The following TTN variants were observed in gnomAD, a reference collection of about 807,000 sequenced individuals.
TTN encodes titin.
Under a neutral mutation model 3,223.0 loss-of-function variants are expected in TTN, and 1,525 were observed. The observed-to-expected ratio is 0.47, with a 90% confidence interval of 0.45 to 0.49. The LOEUF (loss-of-function observed/expected upper bound fraction) is 0.49, where lower values mean the gene tolerates loss of function less well. TTN is among the 20% of genes least tolerant of loss of function. TTN has a pLI of 0.00. For synonymous variants in TTN, 14,094 were observed against 15,161.0 expected (o/e 0.93, Z 5.17); for missense variants, 40,786 against 43,424.0 (o/e 0.94, Z 5.40).
chr2:178,805,442 G>A (rs950965974), intron 1 of TTN, among the ~76,000 whole-genome samples: 21 of 150,534 alleles, frequency 1.4e-4, no homozygotes, highest in Admixed American at 4.0e-4. Context: ...AATATTTTTC[G>A]TTCACTCTAT....
rs2061607689 is a variant in TTN, at chr2:178,644,376, G to A, written c.40477+172C>T. The A allele has an allele frequency of 6.0e-6, 3 of 498,706 alleles. No homozygotes were observed. In the South Asian group the frequency reaches 1.2e-4, roughly 20 times the overall value. 30.9% of individuals were successfully genotyped at this position (498,706 alleles called of 1,614,324 possible). A position where few individuals can be genotyped will look rare whatever the true frequency, so the allele number is the denominator to read the frequency against. The stretch of plus-strand genomic sequence containing the variant: ...ATGTATGAAATGGATGGGAGACAAA[G>A]GAAGCAACACTCATGAGCCAGGACC... On this transcript the variant is annotated intron_variant, in intron 218 of 362. Coordinates refer to ENST00000589042, the MANE Select transcript of TTN (RefSeq NM_001267550.2).
rs1231778205 is a variant in TTN at position 178,571,159 on chromosome 2, A to G, written c.74973T>C (p.Ile24991=). 5 of 1,613,484 alleles carry G rather than the reference A, an allele frequency of 3.1e-6. No individual in the cohort carries two copies. The highest frequency in any genetic ancestry group is 4.2e-6 in the Non-Finnish European group (5 of 1,179,624). Residue 24991 remains isoleucine (I), a synonymous_variant, in exon 326 of 363, where the codon ATT becomes ATC. Coordinates refer to ENST00000589042, the MANE Select transcript of TTN (RefSeq NM_001267550.2). The stretch of plus-strand genomic sequence containing the variant: ...ATTCTGATACTTTACTCGGCTTGCC[A>G]ATGCCCACGATGTTCTCTGCAGAGA... ...FRVSAENIVG[I]GKPSKVSECY...
Position 178,560,123 on chromosome 2 carries a change from A to G in TTN, c.86009T>C (p.Ile28670Thr), listed in dbSNP as rs1703105655. 2 of 1,613,554 alleles carry G rather than the reference A, an allele frequency of 1.2e-6. No individual in the cohort carries two copies. The highest frequency in any genetic ancestry group is 1.7e-6 in the Non-Finnish European group (2 of 1,179,756). ...ATCAAACAGCGGCTTAACCCAGGCAATAGTTATAGTTGTCTTGCCTGAGTC... is the reference window on the plus strand; with the variant it reads ...ATCAAACAGCGGCTTAACCCAGGCAGTAGTTATAGTTGTCTTGCCTGAGTC... ...IVDSGKTTIT[I>T]AWVKPLFDGG... The change falls in exon 326 of 363, where the codon ATT becomes ACT. Residue 28670 changes from isoleucine (I) to threonine (T), a missense_variant. Transcript: ENST00000589042.
At chr2:178,674,544 G>T (rs2067635746) in intron 150 of TTN, 135 bp from the exon 151 acceptor site, 3 of 448,668 alleles carry the variant, frequency 6.7e-6, no homozygotes, top group Admixed American at 7.7e-5. Flanking sequence ...ATCTCTACTG[G>T]GTCTTCAAAA....
At chr2:178,747,042 G>C (rs2083793333) in intron 47 of TTN, 4 of 1,613,300 alleles carry the variant, frequency 2.5e-6, no homozygotes, top group Non-Finnish European at 2.5e-6. Context: ...CCTCCAGTAG[G>C]AATAGAATAT....
chr2:178,795,371 A>G, intron 6 of TTN, 119 bp from the exon 7 acceptor site: 1 of 889,318 alleles, frequency 1.1e-6, no homozygotes, highest in Non-Finnish European at 1.8e-6. Context: ...GTGCCTCCAT[A>G]ACCCATTCAG....
At chr2:178,693,536 C>T (rs956349633) in intron 119 of TTN, 73 bp downstream of exon 119, 8 of 1,079,294 alleles carry the variant, frequency 7.4e-6, no homozygotes, top group East Asian at 2.7e-5. Flanking sequence ...TTAATACTAA[C>T]ATAAATGTTT....
chr2:178,770,981 T>C (rs568815022), intron 34 of TTN, among the ~76,000 whole-genome samples: 10 of 152,324 alleles, frequency 6.6e-5, no homozygotes, highest in African/African-American at 2.2e-4. Flanking sequence ...CAGTGTCTGA[T>C]TTAGCTGTTT....
In TTN at chr2:178,575,330, T is replaced by C. The variant is rs1421650962; in HGVS notation, c.70802A>G (p.Tyr23601Cys). ...VVRNLTEGEEYTFQVMAVNSA... is the reference protein window; with the variant it reads ...VVRNLTEGEECTFQVMAVNSA... ...GTTCACTGCCATCACTTGGAAGGTA[T>C]ATTCCTCTCCTTCAGTTAGATTCCT... The change falls in exon 326 of 363, where the codon TAT becomes TGT. Residue 23601 changes from tyrosine to cysteine, a missense_variant. Coordinates refer to ENST00000589042, the MANE Select transcript of TTN (RefSeq NM_001267550.2). The surrounding 1 kb of genome is among the most constrained non-coding windows in gnomAD (Gnocchi z 4.0). 7 of 1,613,402 alleles carry C rather than the reference T, an allele frequency of 4.3e-6. No homozygotes were observed. The highest frequency in any genetic ancestry group is 5.9e-6 in the Non-Finnish European group (7 of 1,179,658).
chr2:178,730,292 A>G lies in TTN; in HGVS notation c.18108T>C (p.Gly6036=). ...NTRVQLKALV[G]GTAPMTIKWF... ...ACTTTATTGTCATGGGTGCAGTGCC[A>G]CCCACAAGAGCCTTTAACTGTACCC... The change falls in exon 62 of 363, where the codon GGT becomes GGC. Residue 6036 remains glycine (G), a synonymous_variant. Coordinates refer to ENST00000589042, the MANE Select transcript of TTN (RefSeq NM_001267550.2). The G allele has an allele frequency of 6.2e-7, 1 of 1,612,268 alleles. No individual in the cohort carries two copies. The highest frequency in any genetic ancestry group is 8.5e-7 in the Non-Finnish European group (1 of 1,179,120).
Position 178,672,494 on chromosome 2 carries a change from A to G in TTN, c.34856-13T>C. On this transcript the variant is annotated splice_polypyrimidine_tract_variant and intron_variant, in intron 153 of 362. Transcript: ENST00000589042. ...GGTACTTCAGGCACTTTAAAGATAC[A>G]GTTTTAATATTTAGGACTGTCGAGA... 6.2e-7 allele frequency: 1 copy of G among 1,601,994 alleles called. No homozygotes were observed. The highest frequency in any genetic ancestry group is 1.7e-5 in the Admixed American group (1 of 57,772).
chr2:178,782,860 T>C lies in TTN; in HGVS notation c.3046A>G (p.Ser1016Gly), dbSNP rs756789081. Residue 1016 changes from serine to glycine, a missense_variant, in exon 18 of 363, where the codon AGT (serine) becomes GGT (glycine). Ser to Gly is a moderately conservative substitution (Grantham distance 56). Transcript: ENST00000589042. ...ACGGTTCCAGCCTCATTTACAGCAC[T>C]GCAAGTAAATCGCCCGCTGTCTTCC... Reference protein sequence around the residue: ...FAEDSGRFTCSAVNEAGTVST... With the variant: ...FAEDSGRFTCGAVNEAGTVST... 1.2e-6 allele frequency: 2 copies of C among 1,613,872 alleles called. No homozygotes were observed. Among genetic ancestry groups the C allele is most frequent in the Non-Finnish European group, 1.7e-6 (2 of 1,179,950 alleles).
Position 178,592,093 on chromosome 2 carries a change from G to A in TTN, c.59811C>T (p.Phe19937=), listed in dbSNP as rs781544233. 21 of 1,612,810 alleles carry A rather than the reference G, an allele frequency of 1.3e-5. No individual in the cohort carries two copies. Among genetic ancestry groups the A allele is most frequent in the East Asian group, 4.5e-5 (2 of 44,622 alleles). The change falls in exon 302 of 363, where the codon TTC becomes TTT. Residue 19937 remains phenylalanine (F), a synonymous_variant. Coordinates refer to ENST00000589042, the MANE Select transcript of TTN (RefSeq NM_001267550.2). ...LSATSKKKSH[F]AKHLNEGNQY... ...GGTTGCCTTCATTCAGATGCTTAGC[G>A]AAGTGACTCTTTTTCTTTGATGTAG...
rs1241053775 is a variant in TTN at position 178,548,467 on chromosome 2, T to C, written c.93159A>G (p.Val31053=). 6.2e-7 allele frequency: 1 copy of C among 1,613,850 alleles called. No individual in the cohort carries two copies. The highest frequency in any genetic ancestry group is 8.5e-7 in the Non-Finnish European group (1 of 1,179,804). The change falls in exon 339 of 363, where the codon GTA becomes GTG. Residue 31053 remains valine, a synonymous_variant. Transcript: ENST00000589042. The surrounding 1 kb of genome is among the most constrained non-coding windows in gnomAD (Gnocchi z 4.3). ...TACGGCGACTTGCCTCTCGTTTCTC[T>C]ACCACATAATGATGGATTCGGGCAC... ...DGGARIHHYV[V]EKREASRRSW...
In TTN at chr2:178,704,567, C is replaced by G; in HGVS notation, c.29905G>C (p.Gly9969Arg). 1 of 1,613,504 alleles carries G rather than the reference C, an allele frequency of 6.2e-7. No individual in the cohort carries two copies. Among genetic ancestry groups the G allele is most frequent in the Non-Finnish European group, 8.5e-7 (1 of 1,179,646 alleles). ...GGACCACAAACCAATCGATAATTGC[C>G]CTGGTCTTTAAGTTGACAGTTTTTG... ...RVKNCQLKDQ[G>R]NYRLVCGPHI... is the part of the protein sequence containing the mutation. Residue 9969 changes from glycine (G) to arginine (R), a missense_variant, in exon 105 of 363, where the codon GGC becomes CGC. By Grantham distance (125) the Gly-to-Arg change is moderately radical (BLOSUM62 -2). Coordinates refer to ENST00000589042, the MANE Select transcript of TTN (RefSeq NM_001267550.2).
chr2:178,689,519 T>A lies in TTN; in HGVS notation c.31923A>T (p.Pro10641=). ...IVTQREESPP[P]AVPEIPKKKV... ...CATGGAGATGGGATTAAGTACCTGC[T>A]GGTGGTGGAGATTCCTCTCTTTGAG... Residue 10641 remains proline (P), a synonymous_variant, in exon 123 of 363, where the codon CCA becomes CCT. Transcript: ENST00000589042. 4 of 1,609,518 alleles carry A rather than the reference T, an allele frequency of 2.5e-6. No individual in the cohort carries two copies. The highest frequency in any genetic ancestry group is 3.4e-6 in the Non-Finnish European group (4 of 1,177,356).
rs397517566 is a variant in TTN, at chr2:178,781,175, C to G, written c.3469G>C (p.Val1157Leu). 1.9e-6 allele frequency: 3 copies of G among 1,613,904 alleles called. No homozygotes were observed. In the African/African-American group the frequency reaches 4.0e-5, roughly 22 times the overall value. The change falls in exon 21 of 363, where the codon GTT (valine) becomes CTT (leucine). Residue 1157 changes from valine to leucine, a missense_variant. Transcript: ENST00000589042. The part of the protein sequence containing the change: ...FADDAGEYTI[V>L]VRNKHGETSA... ...GTTTCTCCATGCTTATTGCGAACAACAATAGTGTATTCTCCAGCATCATCA... is the reference window on the plus strand; with the variant it reads ...GTTTCTCCATGCTTATTGCGAACAAGAATAGTGTATTCTCCAGCATCATCA...
intron 159 of TTN, among the ~76,000 whole-genome samples, chr2:178,669,048 T>C (rs2066492971): frequency 6.6e-6 from 1 of 151,892 alleles, no homozygotes; most frequent in Non-Finnish European, 1.5e-5. Context: ...TATTATGGAG[T>C]TAAGTTACTT....
chr2:178,563,626 C>T lies in TTN; in HGVS notation c.82506G>A (p.Glu27502=). 1 of 1,613,718 alleles carries T rather than the reference C, an allele frequency of 6.2e-7. No individual in the cohort carries two copies. The highest frequency in any genetic ancestry group is 8.5e-7 in the Non-Finnish European group (1 of 1,179,760). ...RPVDDGGTEI[E]GYILEKRDKE... Reference sequence around the variant, plus strand: ...TATCTCGTTTTTCAAGAATGTAGCCCTCAATTTCGGTACCTCCGTCGTCTA... The same window carrying T: ...TATCTCGTTTTTCAAGAATGTAGCCTTCAATTTCGGTACCTCCGTCGTCTA... Residue 27502 remains glutamate (E), a synonymous_variant, in exon 326 of 363, where the codon GAG becomes GAA. Transcript: ENST00000589042. This position sits in a 1 kb window ranked among gnomAD's most constrained non-coding sequence, Gnocchi z 4.5.
Sources: allele counts gnomAD v4.1 joint callset (sites outside exome capture counted in the v4.1 genomes callset), GRCh38; gene constraint gnomAD v4.1.1; non-coding constraint Gnocchi (gnomAD v3.1); transcripts MANE v1.5; gene names NCBI Gene and HGNC (gene_info 2026-07-23, HGNC 2026-07-21).